Variants in DSCAML1 observed in about 807,000 individuals in gnomAD.
DSCAML1 encodes DS cell adhesion molecule like 1.
A neutral mutation model predicts 200.5 loss-of-function variants in DSCAML1; 38 were observed. That is an observed-to-expected ratio of 0.19 (90% CI 0.15 to 0.25). The LOEUF (loss-of-function observed/expected upper bound fraction) is 0.25. DSCAML1 is among the 10% of genes least tolerant of loss of function. The pLI, the probability that DSCAML1 is intolerant of heterozygous loss-of-function variation, is 1.00. For synonymous variants in DSCAML1, 1,215 were observed against 1,165.0 expected, an observed-to-expected ratio of 1.04 and a Z score of -0.87; for missense variants, 2,223 against 2,858.8, an observed-to-expected ratio of 0.78 and a Z score of 5.07.
chr11:117,802,244 A>C (rs951095950), upstream of DSCAML1, among the ~76,000 whole-genome samples: 22 of 152,144 alleles, frequency 1.4e-4, no homozygotes, highest in Non-Finnish European at 2.9e-5. Flanking sequence ...CCCATTCAGC[A>C]GGGCCTGGTC....
At chr11:117,793,639 C>T (rs542535241) in intron 1 of DSCAML1, among the ~76,000 whole-genome samples, 1 of 152,154 alleles carries the variant, frequency 6.6e-6, no homozygotes, top group African/African-American at 2.4e-5. Context: ...GGGCCTGCTT[C>T]CCTACCAAGC....
chr11:117,595,260 A>T (rs1429506946), intron 3 of DSCAML1, among the ~76,000 whole-genome samples: 1 of 152,178 alleles, frequency 6.6e-6, no homozygotes, highest in Non-Finnish European at 1.5e-5. Context: ...GGGGGCTTTT[A>T]AAAAATGTCT....
Position 117,805,920 on chromosome 11 carries a change from C to G in DSCAML1, c.-250+11470G>C, listed in dbSNP as rs866934118. ...CCTGGGGAGCATCTCCTGCAAGTGC[C>G]TAGGAAACAGTGGCTGGCAGGTGAA... On this transcript the variant is annotated intron_variant, in intron 1 of 2. Transcript: ENST00000525836. 1.2e-4 allele frequency among the ~76,000 whole-genome samples: 18 copies of G among 152,306 alleles called. No homozygotes were observed. The South Asian group carries it at 2.3e-3, about 19-fold the overall frequency.
chr11:117,644,954 C>T (rs540751799), intron 3 of DSCAML1, among the ~76,000 whole-genome samples: 1 of 152,372 alleles, frequency 6.6e-6, no homozygotes, highest in East Asian at 1.9e-4. Context: ...CGCTCTGTCC[C>T]AGACCCCGCA....
chr11:117,789,899 G>A (rs996029519), intron 1 of DSCAML1, among the ~76,000 whole-genome samples: 9 of 152,202 alleles, frequency 5.9e-5, no homozygotes, highest in Admixed American at 2.0e-4. Context: ...TGCAGGAAGT[G>A]CTAGTGAAGA....
chr11:117,816,807 G>GGGGGGGGT (rs1555038476), intron 1 of DSCAML1, among the ~76,000 whole-genome samples: 31 of 115,052 alleles, frequency 2.7e-4, no homozygotes, highest in South Asian at 6.2e-4. Context: ...CTGGGGGGGT[G>GGGGGGGGT]GGGTGGAGAT....
chr11:117,804,528 C>T (rs962501138), intron 1 of DSCAML1, among the ~76,000 whole-genome samples: 3 of 152,360 alleles, frequency 2.0e-5, no homozygotes, highest in South Asian at 2.1e-4. Context: ...GAACTGCTAC[C>T]GCAGGCCCCC....
At chr11:117,472,145 A>G in intron 14 of DSCAML1, 109 bp from the exon 15 acceptor site, 1 of 1,240,942 alleles carries the variant, frequency 8.1e-7, no homozygotes, top group Non-Finnish European at 1.1e-6. Flanking sequence ...CGAGGGGTCC[A>G]GCTCACACAG....
rs76307078 is a variant in DSCAML1 at position 117,666,101 on chromosome 11, G to C, written c.511+110690C>G. Among the ~76,000 whole-genome samples the C allele has an allele frequency of 2.5e-3, 382 of 152,296 alleles. 1 individual carries two copies. The highest frequency in any genetic ancestry group is 8.6e-3 in the African/African-American group (357 of 41,548). On this transcript the variant is annotated intron_variant, in intron 3 of 32. Coordinates refer to ENST00000651296, the MANE Select transcript of DSCAML1 (RefSeq NM_020693.4). ...GAACCCTGTAATGCTCCGAGGGGCT[G>C]TTTGTTGGCCTCCTTGGGCCCCAGG...
intron 3 of DSCAML1, among the ~76,000 whole-genome samples, chr11:117,749,824 G>C (rs1195422945): frequency 6.6e-6 from 1 of 152,268 alleles, no homozygotes; most frequent in Admixed American, 6.5e-5. Context: ...CCTTACAGCG[G>C]GGAGAGCTGG....
chr11:117,707,566 G>A lies in DSCAML1; in HGVS notation c.511+69225C>T, dbSNP rs185152935. The stretch of plus-strand genomic sequence containing the variant: ...TTTTTATTTTTTGAGATGGAGTCTC[G>A]CTTTGTCTCCAGGCTGGAGTGCGGT... On this transcript the variant is annotated intron_variant, in intron 3 of 32. Coordinates refer to ENST00000651296, the MANE Select transcript of DSCAML1 (RefSeq NM_020693.4). 3.2e-3 allele frequency among the ~76,000 whole-genome samples: 489 copies of A among 151,896 alleles called. 3 individuals carry two copies. The highest frequency in any genetic ancestry group is 9.8e-3 in the African/African-American group (406 of 41,400).
At chr11:117,524,705 C>G in intron 5 of DSCAML1, 100 bp downstream of exon 5, 1 of 1,412,422 alleles carries the variant, frequency 7.1e-7, no homozygotes, top group Non-Finnish European at 9.5e-7. Context: ...TTCCCAGGGC[C>G]TGGTCAGAGA....
chr11:117,740,343 C>T (rs1324783850), intron 3 of DSCAML1, among the ~76,000 whole-genome samples: 1 of 152,164 alleles, frequency 6.6e-6, no homozygotes, highest in African/African-American at 2.4e-5. Context: ...AAAGTTCATA[C>T]TCTTTCCCCA....
At chr11:117,622,938 T>C (rs150931561) in intron 3 of DSCAML1, among the ~76,000 whole-genome samples, 1 of 152,324 alleles carries the variant, frequency 6.6e-6, no homozygotes, top group African/African-American at 2.4e-5. Flanking sequence ...TGTACACATA[T>C]AAATGCTCTT....
At chr11:117,430,057 C>T (rs2047754369) in intron 32 of DSCAML1, among the ~76,000 whole-genome samples, 3 of 152,224 alleles carry the variant, frequency 2.0e-5, no homozygotes. Context: ...GCAGACCAGA[C>T]TGCATTGTTT....
intron 3 of DSCAML1, among the ~76,000 whole-genome samples, chr11:117,610,837 A>C (rs2051673799): frequency 5.4e-5 from 5 of 93,280 alleles, no homozygotes; most frequent in South Asian, 4.1e-4. Context: ...CCAAACCAAA[A>C]CAACCCCCCC....
intron 3 of DSCAML1, among the ~76,000 whole-genome samples, chr11:117,624,284 G>T (rs2137556903): frequency 6.6e-6 from 1 of 152,274 alleles, no homozygotes; most frequent in South Asian, 2.1e-4. Flanking sequence ...ACCTCAGCGA[G>T]GCCTGCAACA....
chr11:117,785,210 G>T lies in DSCAML1; in HGVS notation c.47-4400C>A, dbSNP rs930705481. Among the ~76,000 whole-genome samples the T allele has an allele frequency of 3.3e-5, 5 of 152,344 alleles. No individual in the cohort carries two copies. In the East Asian group the frequency reaches 5.8e-4, roughly 18 times the overall value. The stretch of plus-strand genomic sequence containing the variant: ...TTCCAGGAGCTTGTAAAGGACAGGG[G>T]GAGCAGGAAAGGGGGTTAAACAATA... On this transcript the variant is annotated intron_variant, in intron 1 of 32. Coordinates refer to ENST00000651296, the MANE Select transcript of DSCAML1 (RefSeq NM_020693.4).
At position 117,642,735 on chromosome 11, in the gene DSCAML1, T is replaced by A. The variant is rs2052437885; in HGVS notation, c.512-110213A>T. 6.6e-6 allele frequency among the ~76,000 whole-genome samples: 1 copy of A among 152,184 alleles called. No individual in the cohort carries two copies. The highest frequency in any genetic ancestry group is 1.5e-5 in the Non-Finnish European group (1 of 68,018). On this transcript the variant is annotated intron_variant, in intron 3 of 32. Coordinates refer to ENST00000651296, the MANE Select transcript of DSCAML1 (RefSeq NM_020693.4). The surrounding 1 kb of genome is among the most constrained non-coding windows in gnomAD (Gnocchi z 4.1). The stretch of plus-strand genomic sequence containing the variant: ...CCTGGCTCAGATGAAGACGTCAGAC[T>A]GGCGGGGCTGAGAAACACCCCTGGT...
Sources: gnomAD v4.1 joint callset for allele counts (sites outside exome capture counted in the v4.1 genomes callset) on GRCh38, gnomAD v4.1.1 for gene constraint, Gnocchi (gnomAD v3.1) non-coding constraint, MANE v1.5 for transcripts, NCBI Gene and HGNC (gene_info 2026-07-23, HGNC 2026-07-21) for gene names.